Variants in TTBK2 observed in about 807,000 individuals in gnomAD.
The protein encoded by TTBK2 is tau tubulin kinase 2, also known as tau-tubulin kinase 2.
TTBK2 carries 28 observed loss-of-function variants against 110.8 expected under a neutral mutation model. The observed-to-expected ratio is 0.25, with a 90% CI of 0.19 to 0.35. The LOEUF (loss-of-function observed/expected upper bound fraction) is 0.35. TTBK2 is among the 10% of genes least tolerant of loss of function. TTBK2 has a pLI of 1.00. For synonymous variants in TTBK2, 532 were observed against 527.3 expected (o/e 1.01, Z -0.12); for missense variants, 1,369 against 1,500.3 (o/e 0.91, Z 1.45).
intron 13 of TTBK2, among the ~76,000 whole-genome samples, chr15:42,762,981 G>A (rs2062052494): frequency 6.7e-6 from 1 of 148,564 alleles, no homozygotes; most frequent in African/African-American, 2.5e-5. Flanking sequence ...AGCGGGAACG[G>A]GGAGATAGGG....
chr15:42,772,524 G>A (rs1244447563), intron 13 of TTBK2, among the ~76,000 whole-genome samples: 1 of 152,192 alleles, frequency 6.6e-6, no homozygotes, highest in African/African-American at 2.4e-5. Context: ...GAAATTGTGT[G>A]AAATAATGAC....
chr15:42,878,119 C>T (rs563116046), intron 2 of TTBK2, among the ~76,000 whole-genome samples: 4 of 148,950 alleles, frequency 2.7e-5, no homozygotes, highest in Admixed American at 6.7e-5. Flanking sequence ...GGACTACAGG[C>T]GCCTGCACCA....
chr15:42,786,108 T>C (rs1364963139), intron 10 of TTBK2, among the ~76,000 whole-genome samples: 2 of 136,312 alleles, frequency 1.5e-5, no homozygotes, highest in Non-Finnish European at 3.1e-5. Flanking sequence ...AAAGCACTGA[T>C]AATGGCTCCC....
intron 13 of TTBK2, 113 bp downstream of exon 13, chr15:42,775,022 C>T: frequency 1.8e-6 from 2 of 1,125,062 alleles, no homozygotes; most frequent in Non-Finnish European, 2.6e-6. Context: ...CTCCCTGGGC[C>T]ATCTGCAAAA....
At position 42,803,490 on chromosome 15, in the gene TTBK2, G is replaced by C. The variant is rs562455903; in HGVS notation, c.822+7124C>G. Among the ~76,000 whole-genome samples the C allele has an allele frequency of 9.2e-5, 14 of 152,150 alleles. 1 individual carries two copies. The highest frequency in any genetic ancestry group is 8.5e-4 in the Admixed American group (13 of 15,280). ...TGGCTGCCCCAGGACCTGAGGCAGG[G>C]TAAGGCAGCATGGTCACTTACTCAG... is the stretch of plus-strand genomic sequence containing the variant. On this transcript the variant is annotated intron_variant, in intron 9 of 14. Transcript: ENST00000267890.
At chr15:42,864,221 TAAAC>T (rs886976659) in intron 3 of TTBK2, among the ~76,000 whole-genome samples, 1 of 152,190 alleles carries the variant, frequency 6.6e-6, no homozygotes, top group Non-Finnish European at 1.5e-5. Flanking sequence ...ATAAGAAACT[TAAAC>T]AAATGAACAA....
intron 1 of TTBK2, among the ~76,000 whole-genome samples, chr15:42,879,266 A>G (rs1894941692): frequency 6.6e-6 from 1 of 152,180 alleles, no homozygotes; most frequent in South Asian, 2.1e-4. Flanking sequence ...GAAAACTGTA[A>G]CCAGTCCAGG....
At chr15:42,914,218 TGCCC>T (rs1418767483) in intron 1 of TTBK2, among the ~76,000 whole-genome samples, 1 of 152,018 alleles carries the variant, frequency 6.6e-6, no homozygotes, top group Non-Finnish European at 1.5e-5. Flanking sequence ...CCTCGTGATC[TGCCC>T]GCCTCAGCCT....
At chr15:42,787,631 A>C (rs1440320100) in intron 10 of TTBK2, among the ~76,000 whole-genome samples, 1 of 152,216 alleles carries the variant, frequency 6.6e-6, no homozygotes, top group Non-Finnish European at 1.5e-5. Context: ...GGCCACTGTA[A>C]CCAAATTGTC....
At chr15:42,862,613 G>A (rs1278868756) in intron 3 of TTBK2, among the ~76,000 whole-genome samples, 1 of 152,142 alleles carries the variant, frequency 6.6e-6, no homozygotes, top group Non-Finnish European at 1.5e-5. Context: ...CTATGGCCAG[G>A]CGCGGTGGCT....
In TTBK2 at chr15:42,744,829, G is replaced by GT. The variant is rs2061771049; in HGVS notation, c.*965dup. On this transcript the variant is annotated 3_prime_UTR_variant, in exon 15 of 15. Coordinates refer to ENST00000267890, the MANE Select transcript of TTBK2 (RefSeq NM_173500.4). ...CAGTCCAAAGCATTGTGCTTCCCTCGTATCATCTTGGATGCTGATATTACA... is the reference window on the plus strand; with the variant it reads ...CAGTCCAAAGCATTGTGCTTCCCTCGTTATCATCTTGGATGCTGATATTACA... 2 of 152,190 alleles carry GT rather than the reference G, an allele frequency of 1.3e-5. No homozygotes were observed. Among genetic ancestry groups the GT allele is most frequent in the Admixed American group, 6.6e-5 (1 of 15,248 alleles). The allele number at this position is 152,190 out of a possible 1,614,324, so 9.4% of individuals were successfully genotyped here.
intron 8 of TTBK2, among the ~76,000 whole-genome samples, chr15:42,811,370 T>C (rs996345319): frequency 1.3e-5 from 2 of 152,054 alleles, no homozygotes; most frequent in Admixed American, 6.6e-5. Flanking sequence ...TCAAACAATA[T>C]AATATGACAA....
In TTBK2 at chr15:42,878,625, C is replaced by T. The variant is rs16957250; in HGVS notation, c.-8G>A. 182,370 of 1,613,424 alleles carry T rather than the reference C, an allele frequency of 0.11. 11,137 individuals are homozygous for T. The highest frequency in any genetic ancestry group is 0.16 in the East Asian group (7,323 of 44,814). On this transcript the variant is annotated 5_prime_UTR_variant, in exon 2 of 15. Transcript: ENST00000267890. ...CTCTCCTCCCCCACTCATTGCAATA[C>T]ACTGATATGGTAGAACAGCTACACA...
intron 9 of TTBK2, among the ~76,000 whole-genome samples, chr15:42,809,923 A>G (rs767551277): frequency 3.7e-4 from 56 of 152,342 alleles, no homozygotes; most frequent in Non-Finnish European, 7.2e-4. Context: ...ACATGCAGTA[A>G]AGTCTATGTA....
At chr15:42,851,061 TAAAAATAAAAAAATAA>T (rs1227993461) in intron 3 of TTBK2, among the ~76,000 whole-genome samples, 37 of 150,930 alleles carry the variant, frequency 2.5e-4, no homozygotes, top group African/African-American at 3.9e-4. Flanking sequence ...CCGTCTCTAC[TAAAAATAAAAAAATAA>T]AAAAATAAAA....
Position 42,752,461 on chromosome 15 carries a change from T to A in TTBK2, c.2785A>T (p.Thr929Ser). 1 of 1,614,178 alleles carries A rather than the reference T, an allele frequency of 6.2e-7. No individual in the cohort carries two copies. The highest frequency in any genetic ancestry group is 8.5e-7 in the Non-Finnish European group (1 of 1,180,016). ...CVSENEHGAPTRKDMVRSSFV... is the reference protein window; with the variant it reads ...CVSENEHGAPSRKDMVRSSFV... The stretch of plus-strand genomic sequence containing the variant: ...GATGACCTAACCATATCCTTCCGGG[T>A]TGGGGCACCATGTTCATTCTCTGAA... The change falls in exon 14 of 15, where the codon ACC becomes TCC. Residue 929 changes from threonine (T) to serine (S), a missense_variant. By Grantham distance (58) the Thr-to-Ser change is moderately conservative. Around this residue, in one of 4 missense-constraint regions of TTBK2, gnomAD observed 1,097 missense variants for 1,114.7 expected, o/e 0.98. Coordinates refer to ENST00000267890, the MANE Select transcript of TTBK2 (RefSeq NM_173500.4).
In TTBK2 at chr15:42,889,159, T is replaced by C. The variant is rs145428806; in HGVS notation, c.-67-10475A>G. ...CTCAGTGTTCCATCTGCTATTCTAC[T>C]ACTCCTCAGGAATTATTCAGGCCCC... On this transcript the variant is annotated intron_variant, in intron 1 of 14. Coordinates refer to ENST00000267890, the MANE Select transcript of TTBK2 (RefSeq NM_173500.4). 2.6e-3 allele frequency among the ~76,000 whole-genome samples: 396 copies of C among 152,296 alleles called. 1 individual carries two copies. Among genetic ancestry groups the C allele is most frequent in the African/African-American group, 8.9e-3 (370 of 41,558 alleles).
At chr15:42,765,946 G>A (rs1019842803) in intron 13 of TTBK2, among the ~76,000 whole-genome samples, 3 of 152,198 alleles carry the variant, frequency 2.0e-5, no homozygotes, top group Non-Finnish European at 2.9e-5. Context: ...CAAGCCAGAA[G>A]AGAGTGGGGG....
chr15:42,767,740 G>C (rs762318579), intron 13 of TTBK2, among the ~76,000 whole-genome samples: 1 of 152,128 alleles, frequency 6.6e-6, no homozygotes, highest in African/African-American at 2.4e-5. Flanking sequence ...GAAAAAGAGG[G>C]CACCCTCCCT....
Sources: gnomAD v4.1 joint callset for allele counts (sites outside exome capture counted in the v4.1 genomes callset) on GRCh38, gnomAD v4.1.1 for gene constraint, gnomAD v4.1.1 regional missense constraint, MANE v1.5 for transcripts, NCBI Gene and HGNC (gene_info 2026-07-23, HGNC 2026-07-21) for gene names.